The following POLR2F variants were observed in gnomAD, a reference collection of about 807,000 sequenced individuals.
POLR2F encodes the protein RNA polymerase II, I and III subunit F.
In POLR2F, 12 loss-of-function variants were observed where a neutral mutation model predicts 22.7. That is an observed-to-expected ratio of 0.53 (90% CI 0.34 to 0.86). POLR2F has a LOEUF of 0.86. POLR2F is among the 40% of genes least tolerant of loss of function. The pLI, the probability that POLR2F is intolerant of heterozygous loss-of-function variation, is 0.02. For missense variants in POLR2F, 126 were observed against 171.5 expected (o/e 0.73, Z 1.48); for synonymous variants, 57 against 66.0 (o/e 0.86, Z 0.66).
At chr22:37,972,925 G>A (rs1932102270), downstream of POLR2F, 1 of 154,280 alleles carries the variant, frequency 6.5e-6, no homozygotes, top group South Asian at 2.0e-4. Flanking sequence ...GGCATTGAAG[G>A]GATGAGAACT....
At chr22:38,040,787 A>G (rs1010250552) in intron 5 of POLR2F, 10 of 482,138 alleles carry the variant, frequency 2.1e-5, no homozygotes, top group Admixed American at 3.5e-5. Flanking sequence ...CCTGGTGGGC[A>G]TGTTGTGATG....
chr22:37,959,215 A>G lies in POLR2F; in HGVS notation c.91-131A>G, dbSNP rs1601864914. The G allele has an allele frequency of 6.0e-6, 5 of 833,872 alleles. No individual in the cohort carries two copies. The East Asian group carries it at 9.8e-5, about 16-fold the overall frequency. 51.7% of individuals were successfully genotyped at this position (833,872 alleles called of 1,614,324 possible). On this transcript the variant is annotated intron_variant, in intron 2 of 4. Coordinates refer to ENST00000442738, the MANE Select transcript of POLR2F (RefSeq NM_021974.5). Reference sequence around the variant, plus strand: ...TTACATGAGTTGTTAGGAAGCAGTTATGTGGTCCCCTGGCATGCAGTAAGC... The same window carrying G: ...TTACATGAGTTGTTAGGAAGCAGTTGTGTGGTCCCCTGGCATGCAGTAAGC...
chr22:37,990,859 A>T (rs904351405), intron 1 of POLR2F, among the ~76,000 whole-genome samples: 1 of 152,270 alleles, frequency 6.6e-6, no homozygotes. Flanking sequence ...TCAAAACAAG[A>T]GGCCCGTGCC....
chr22:38,014,472 T>C lies in POLR2F; in HGVS notation c.121-11397T>C, dbSNP rs145261497. 5.4e-3 allele frequency among the ~76,000 whole-genome samples: 822 copies of C among 151,548 alleles called. 3 individuals carry two copies. Among genetic ancestry groups the C allele is most frequent in the Admixed American group, 8.2e-3 (124 of 15,206 alleles). On this transcript the variant is annotated intron_variant, in intron 1 of 2. Coordinates refer to the POLR2F transcript ENST00000333418. ...TTCAAGTGATTATCCTGCCTCAGTC[T>C]CCTGAGTAGCTGGGATTACAGGCGC...
At chr22:37,961,980 C>T (rs564806976) in intron 3 of POLR2F, among the ~76,000 whole-genome samples, 3 of 152,206 alleles carry the variant, frequency 2.0e-5, no homozygotes, top group African/African-American at 7.2e-5. Context: ...ACTGTAATCC[C>T]AGCACTTTGG....
rs529641341 is a variant in POLR2F, at chr22:37,978,742, C to T, written c.293+11572C>T. ...ATGCCTTGCACCAGGGCCTGGGAAG[C>T]GGGCTGAGCACCTTGAGGAAGAGGT... On this transcript the variant is annotated intron_variant, in intron 4 of 4. Coordinates refer to the POLR2F transcript ENST00000405557. This position sits in a 1 kb window ranked among gnomAD's most constrained non-coding sequence, Gnocchi z 5.0. Among the ~76,000 whole-genome samples, 5 of 151,826 alleles carry T rather than the reference C, an allele frequency of 3.3e-5. No individual in the cohort carries two copies. Among genetic ancestry groups the T allele is most frequent in the African/African-American group, 1.2e-4 (5 of 41,444 alleles).
intron 1 of POLR2F, among the ~76,000 whole-genome samples, chr22:38,015,323 G>C (rs1310659773): frequency 6.6e-6 from 1 of 152,222 alleles, no homozygotes; most frequent in Non-Finnish European, 1.5e-5. Flanking sequence ...GACAGGCTCA[G>C]GGTGTTGTCA....
chr22:38,040,150 C>T (rs2085157088), intron 5 of POLR2F, among the ~76,000 whole-genome samples: 1 of 151,680 alleles, frequency 6.6e-6, no homozygotes, highest in Admixed American at 6.6e-5. Flanking sequence ...GTGGTGTATG[C>T]CTGTGGTCCC....
Position 37,986,396 on chromosome 22 carries a change from G to A in POLR2F, c.120+84G>A. 2 of 1,530,806 alleles carry A rather than the reference G, an allele frequency of 1.3e-6. No individual in the cohort carries two copies. Among genetic ancestry groups the A allele is most frequent in the Non-Finnish European group, 1.7e-6 (2 of 1,144,686 alleles). The allele number at this position is 1,530,806 out of a possible 1,614,324, so 94.8% of individuals were successfully genotyped here. A position where few individuals can be genotyped will look rare whatever the true frequency, so the allele number is the denominator to read the frequency against. ...CCGCTCTCTGCTGTGTCTGTGACTG[G>A]CCTGAGACCCGCCTGGGGCAGGAGG... On this transcript the variant is annotated intron_variant, in intron 1 of 2. Coordinates refer to the POLR2F transcript ENST00000333418. The surrounding 1 kb of genome is among the most constrained non-coding windows in gnomAD (Gnocchi z 4.7).
chr22:37,956,687 G>C, intron 1 of POLR2F, 86 bp from the exon 2 acceptor site: 2 of 1,070,340 alleles, frequency 1.9e-6, no homozygotes, highest in South Asian at 2.5e-5. Context: ...AAAGTACCAG[G>C]ATTACAAGTG....
chr22:37,960,761 C>T (rs973779567), intron 3 of POLR2F, among the ~76,000 whole-genome samples: 3 of 151,988 alleles, frequency 2.0e-5, no homozygotes, highest in African/African-American at 7.3e-5. Flanking sequence ...TCTCAAACTC[C>T]TGACCTTGTG....
intron 1 of POLR2F, among the ~76,000 whole-genome samples, chr22:38,007,536 C>T (rs771529648): frequency 2.0e-5 from 3 of 152,198 alleles, no homozygotes; most frequent in Non-Finnish European, 2.9e-5. Flanking sequence ...GTGGACAGAG[C>T]GGGGCCGCCC....
chr22:38,038,807 C>T (rs2085142079), intron 5 of POLR2F, among the ~76,000 whole-genome samples: 1 of 151,618 alleles, frequency 6.6e-6, no homozygotes, highest in Admixed American at 6.6e-5. Flanking sequence ...GGCGCCCGCA[C>T]CCCGGGGCTG....
chr22:37,972,263 A>G, downstream of POLR2F: 1 of 1,301,446 alleles, frequency 7.7e-7, no homozygotes, highest in Non-Finnish European at 1.0e-6. Flanking sequence ...AAGCACCAGT[A>G]CAGGGATAAG....
At chr22:37,970,471 G>A (rs1932014252), downstream of POLR2F, among the ~76,000 whole-genome samples, 1 of 151,112 alleles carries the variant, frequency 6.6e-6, no homozygotes, top group Non-Finnish European at 1.5e-5. Flanking sequence ...GCTGGGCGTG[G>A]TGGTGCACAC....
intron 4 of POLR2F, among the ~76,000 whole-genome samples, chr22:37,977,253 C>T (rs1251426069): frequency 6.6e-6 from 1 of 151,724 alleles, no homozygotes; most frequent in East Asian, 1.9e-4. Flanking sequence ...CAAAACCATC[C>T]TGTCTTCTCC....
chr22:38,006,439 C>T (rs56655215), intron 1 of POLR2F, among the ~76,000 whole-genome samples: 3,791 of 152,232 alleles, frequency 0.025, 157 homozygotes, highest in African/African-American at 0.087. Flanking sequence ...ACCCTCCAGC[C>T]GCTCACTCAG....
At chr22:37,975,916 TTC>T (rs200054552) in intron 4 of POLR2F, among the ~76,000 whole-genome samples, 2,282 of 152,050 alleles carry the variant, frequency 0.015, 55 homozygotes, top group African/African-American at 0.052. Context: ...GTGCACTTGT[TTC>T]TCTCTCTATA....
intron 5 of POLR2F, among the ~76,000 whole-genome samples, chr22:38,034,446 C>G (rs532355419): frequency 8.5e-5 from 13 of 152,340 alleles, no homozygotes; most frequent in African/African-American, 2.9e-4. Flanking sequence ...CTTCCTCCTC[C>G]AAGAAGCGGG....
Sources: allele counts gnomAD v4.1 joint callset (sites outside exome capture counted in the v4.1 genomes callset), GRCh38; gene constraint gnomAD v4.1.1; non-coding constraint Gnocchi (gnomAD v3.1); transcripts MANE v1.5; gene names NCBI Gene and HGNC (gene_info 2026-07-23, HGNC 2026-07-21).